Variants in ADCY5 observed in about 807,000 individuals in gnomAD.
ADCY5 encodes adenylate cyclase 5, also known as adenylate cyclase type 5.
Under a neutral mutation model 119.7 loss-of-function variants are expected in ADCY5, and 30 were observed. The observed-to-expected ratio is 0.25, with a 90% CI of 0.19 to 0.34. The LOEUF is 0.34. Among genes scored for constraint, ADCY5 ranks in the 10% least tolerant of loss-of-function variants. The pLI is 1.00. For synonymous variants in ADCY5, 753 were observed against 762.2 expected, an observed-to-expected ratio of 0.99 and a Z score of 0.20; for missense variants, 1,324 against 1,775.2, an observed-to-expected ratio of 0.75 and a Z score of 4.57.
chr3:123,321,558 C>A (rs1035747787), intron 8 of ADCY5, among the ~76,000 whole-genome samples: 6 of 152,042 alleles, frequency 3.9e-5, no homozygotes, highest in Non-Finnish European at 8.8e-5. Flanking sequence ...AGAGGTGGTG[C>A]GGAAGGTGAC....
At chr3:123,389,400 T>A (rs1166443773) in intron 1 of ADCY5, among the ~76,000 whole-genome samples, 4 of 152,172 alleles carry the variant, frequency 2.6e-5, no homozygotes, top group Admixed American at 2.6e-4. Flanking sequence ...TCCTCTGGAC[T>A]AGGATTTGTA....
intron 18 of ADCY5, among the ~76,000 whole-genome samples, chr3:123,290,879 G>A (rs1939102291): frequency 6.6e-6 from 1 of 152,252 alleles, no homozygotes; most frequent in Non-Finnish European, 1.5e-5. Flanking sequence ...AGACACTTGA[G>A]TTCTGTGGGC....
intron 1 of ADCY5, among the ~76,000 whole-genome samples, chr3:123,406,741 G>A (rs937110015): frequency 7.2e-5 from 11 of 152,226 alleles, no homozygotes; most frequent in Non-Finnish European, 1.3e-4. Context: ...ACGCTTGGCC[G>A]ACCGGGGTTG....
Position 123,325,466 on chromosome 3 carries a change from G to A in ADCY5, c.1948-4C>T, listed in dbSNP as rs985975181. On this transcript the variant is annotated splice_polypyrimidine_tract_variant and splice_region_variant and intron_variant, in intron 7 of 20. Transcript: ENST00000462833. ...CGATCATGGCCTTCTCTTCTTTCTG[G>A]AAGACGAACACAGAGATGGGGGGAG... is the stretch of plus-strand genomic sequence containing the variant. 7 of 1,613,316 alleles carry A rather than the reference G, an allele frequency of 4.3e-6. No homozygotes were observed. The Admixed American group carries it at 1.0e-4, about 23-fold the overall frequency.
At chr3:123,355,627 C>A (rs1014840330) in intron 1 of ADCY5, among the ~76,000 whole-genome samples, 24 of 146,624 alleles carry the variant, frequency 1.6e-4, no homozygotes, top group Non-Finnish European at 3.6e-4. Context: ...TGAAATACTT[C>A]AGTAGAAATC....
intron 1 of ADCY5, among the ~76,000 whole-genome samples, chr3:123,403,034 C>A (rs1417441453): frequency 6.6e-6 from 1 of 152,138 alleles, no homozygotes. Flanking sequence ...GATGTCTTCA[C>A]CAGTGTCTCC....
intron 12 of ADCY5, among the ~76,000 whole-genome samples, chr3:123,308,535 T>G (rs1940343478): frequency 6.6e-6 from 1 of 151,922 alleles, no homozygotes; most frequent in African/African-American, 2.4e-5. Flanking sequence ...CCAGTTTGGA[T>G]CTTAAAACTC....
intron 1 of ADCY5, among the ~76,000 whole-genome samples, chr3:123,409,002 A>G (rs1045329239): frequency 2.0e-5 from 3 of 152,210 alleles, no homozygotes; most frequent in African/African-American, 7.2e-5. Context: ...AAAAATAGCT[A>G]TAACAAACCA....
At chr3:123,310,806 G>C (rs1317752682) in intron 12 of ADCY5, among the ~76,000 whole-genome samples, 2 of 152,124 alleles carry the variant, frequency 1.3e-5, no homozygotes, top group Non-Finnish European at 2.9e-5. Flanking sequence ...AGTGAAACCA[G>C]GACTTGAGGA....
At chr3:123,317,245 G>A (rs1223902562) in intron 11 of ADCY5, among the ~76,000 whole-genome samples, 1 of 151,992 alleles carries the variant, frequency 6.6e-6, no homozygotes. Context: ...GAAGAGTTCA[G>A]AAACACCTCT....
chr3:123,425,075 A>C (rs977277488), intron 1 of ADCY5, among the ~76,000 whole-genome samples: 2 of 152,070 alleles, frequency 1.3e-5, no homozygotes, highest in Non-Finnish European at 2.9e-5. Flanking sequence ...GCCCCCTCTC[A>C]ATGTTAGGGT....
In ADCY5 at chr3:123,282,945, C is replaced by T. The variant is rs1317436027; in HGVS notation, c.*1663G>A. The T allele has an allele frequency of 6.6e-6, 1 of 152,244 alleles. No individual in the cohort carries two copies. The highest frequency in any genetic ancestry group is 1.5e-5 in the Non-Finnish European group (1 of 68,046). The allele number at this position is 152,244 out of a possible 1,614,324, so 9.4% of individuals were successfully genotyped here. On this transcript the variant is annotated 3_prime_UTR_variant, in exon 21 of 21. Coordinates refer to ENST00000462833, the MANE Select transcript of ADCY5 (RefSeq NM_183357.3). ...TTGGGCATGGGCCCTAAGGATTCCA[C>T]TGAATTCTGTGCTAGAGTATCATTT...
intron 1 of ADCY5, among the ~76,000 whole-genome samples, chr3:123,376,579 G>A (rs1372367330): frequency 6.6e-6 from 1 of 152,134 alleles, no homozygotes; most frequent in African/African-American, 2.4e-5. Flanking sequence ...TCTGCTGAGT[G>A]GAAATCACCG....
At chr3:123,287,544 C>T (rs1938861155) in intron 19 of ADCY5, among the ~76,000 whole-genome samples, 1 of 152,202 alleles carries the variant, frequency 6.6e-6, no homozygotes, top group African/African-American at 2.4e-5. Context: ...CCTCATTAGG[C>T]CTCACTCTTG....
chr3:123,441,433 C>T (rs78301742), intron 1 of ADCY5, among the ~76,000 whole-genome samples: 8,856 of 152,230 alleles, frequency 0.058, 384 homozygotes, highest in African/African-American at 0.12. Flanking sequence ...CCTCCACTGA[C>T]AGAGAGCTGG....
At chr3:123,418,591 G>A (rs548482194) in intron 1 of ADCY5, among the ~76,000 whole-genome samples, 6 of 152,236 alleles carry the variant, frequency 3.9e-5, no homozygotes, top group African/African-American at 1.4e-4. Flanking sequence ...TCCCAGGAAC[G>A]AATCCAGCCT....
chr3:123,446,917 G>T (rs1197020956), intron 1 of ADCY5, among the ~76,000 whole-genome samples: 1 of 152,168 alleles, frequency 6.6e-6, no homozygotes, highest in Non-Finnish European at 1.5e-5. Context: ...GCCTTAGACA[G>T]GTGGCAGGCT....
intron 1 of ADCY5, among the ~76,000 whole-genome samples, chr3:123,403,138 G>A (rs992080324): frequency 2.0e-5 from 3 of 152,030 alleles, no homozygotes; most frequent in South Asian, 2.1e-4. Context: ...CCAGCATTTC[G>A]GGGGGCCGCG....
chr3:123,441,118 C>T (rs893743609), intron 1 of ADCY5, among the ~76,000 whole-genome samples: 3 of 152,098 alleles, frequency 2.0e-5, no homozygotes, highest in East Asian at 1.9e-4. Context: ...TAACCTGAGC[C>T]GTCTTCTTGG....
Sources: gnomAD v4.1 joint callset for allele counts (sites outside exome capture counted in the v4.1 genomes callset) on GRCh38, gnomAD v4.1.1 for gene constraint, MANE v1.5 for transcripts, NCBI Gene and HGNC (gene_info 2026-07-23, HGNC 2026-07-21) for gene names.